LMF1: variants seen among roughly 807,000 people sequenced by gnomAD.
LMF1 encodes the protein transmembrane protein 112.
A neutral mutation model predicts 60.6 loss-of-function variants in LMF1; 68 were observed. The observed-to-expected ratio is 1.12, with a 90% CI of 0.92 to 1.37. The LOEUF is 1.37. Ranked by LOEUF, LMF1 falls within the 40% of genes most tolerant of loss-of-function variation. LMF1 has a pLI of 0.00. For synonymous variants in LMF1, 418 were observed against 324.7 expected, an observed-to-expected ratio of 1.29 and a Z score of -3.09; for missense variants, 948 against 767.2, an observed-to-expected ratio of 1.24 and a Z score of -2.78.
intron 2 of LMF1, among the ~76,000 whole-genome samples, chr16:947,173 G>C (rs562117797): frequency 6.6e-6 from 1 of 152,254 alleles, no homozygotes; most frequent in African/African-American, 2.4e-5. Flanking sequence ...GCCTGGCCTT[G>C]TGTGGCAACT....
intron 3 of LMF1, among the ~76,000 whole-genome samples, chr16:924,628 G>C (rs976850620): frequency 2.0e-5 from 3 of 152,096 alleles, no homozygotes; most frequent in African/African-American, 7.2e-5. Context: ...TCAGATGACA[G>C]GGTAGGGCAG....
intron 4 of LMF1, among the ~76,000 whole-genome samples, chr16:904,381 G>T (rs2070914355): frequency 1.3e-5 from 1 of 79,090 alleles, no homozygotes; most frequent in African/African-American, 6.3e-5. Flanking sequence ...TGCTGCGTGG[G>T]GTGACCTCTG....
At chr16:953,954 CCCCAA>C (rs2072581261) in intron 2 of LMF1, among the ~76,000 whole-genome samples, 1 of 81,270 alleles carries the variant, frequency 1.2e-5, no homozygotes, top group African/African-American at 4.2e-5. Flanking sequence ...CAGACACCCA[CCCCAA>C]ACCAGCCTCC....
At chr16:942,149 CT>C (rs1385635895) in intron 2 of LMF1, among the ~76,000 whole-genome samples, 10 of 152,134 alleles carry the variant, frequency 6.6e-5, no homozygotes, top group African/African-American at 2.4e-4. Context: ...CTTTATTTTG[CT>C]TTTGTTTTTG....
At chr16:966,234 G>A (rs1471602897) in intron 1 of LMF1, among the ~76,000 whole-genome samples, 1 of 152,166 alleles carries the variant, frequency 6.6e-6, no homozygotes, top group African/African-American at 2.4e-5. Context: ...CTCGTCCACT[G>A]GGGCCCCAGC....
At chr16:958,005 G>A (rs907295822) in intron 1 of LMF1, among the ~76,000 whole-genome samples, 1 of 152,140 alleles carries the variant, frequency 6.6e-6, no homozygotes, top group Non-Finnish European at 1.5e-5. Context: ...ACAAAGAAGA[G>A]TCTCTGTAAC....
At chr16:913,992 G>A (rs2071197198) in intron 3 of LMF1, among the ~76,000 whole-genome samples, 1 of 152,226 alleles carries the variant, frequency 6.6e-6, no homozygotes, top group Non-Finnish European at 1.5e-5. Context: ...AATGCCACAT[G>A]GCGCCTCTTG....
intron 3 of LMF1, among the ~76,000 whole-genome samples, chr16:930,479 T>C (rs968803337): frequency 1.3e-5 from 2 of 152,174 alleles, no homozygotes. Flanking sequence ...GAGGATCGCC[T>C]GAGCCCGGGA....
At chr16:876,929 C>T (rs967523304) in intron 6 of LMF1, among the ~76,000 whole-genome samples, 3 of 152,162 alleles carry the variant, frequency 2.0e-5, no homozygotes, top group Non-Finnish European at 2.9e-5. Flanking sequence ...TGTGGAAATA[C>T]GTCCAAATAT....
At chr16:871,996 C>G (rs1387055764) in intron 6 of LMF1, 3 of 152,242 alleles carry the variant, frequency 2.0e-5, no homozygotes, top group African/African-American at 7.2e-5. Context: ...GCAGGAGGGA[C>G]TCAGAGGGAC....
intron 3 of LMF1, chr16:933,871 G>C: frequency 2.1e-6 from 2 of 974,980 alleles, no homozygotes; most frequent in South Asian, 3.3e-5. Flanking sequence ...GCCCACCAGC[G>C]TGAGTGCCGT....
intron 4 of LMF1, among the ~76,000 whole-genome samples, chr16:909,008 C>G (rs1025722538): frequency 6.6e-6 from 1 of 152,142 alleles, no homozygotes; most frequent in African/African-American, 2.4e-5. Context: ...TGTTGAGGTC[C>G]CTCTCTGTGG....
chr16:965,528 C>A (rs538488100), intron 1 of LMF1, among the ~76,000 whole-genome samples: 171 of 152,266 alleles, frequency 1.1e-3, no homozygotes, highest in African/African-American at 4.0e-3. Flanking sequence ...TTAGAAGCTT[C>A]CAGGGAGAAG....
chr16:899,902 C>G (rs557253632), intron 4 of LMF1: 2 of 152,228 alleles, frequency 1.3e-5, no homozygotes, highest in Non-Finnish European at 2.9e-5. Context: ...ACGCCCTGGA[C>G]GCCGGATGTG....
intron 2 of LMF1, among the ~76,000 whole-genome samples, chr16:941,318 A>T (rs1477201273): frequency 6.6e-6 from 1 of 152,066 alleles, no homozygotes; most frequent in African/African-American, 2.4e-5. Flanking sequence ...TCCTGGGTTC[A>T]AGTGACTCTC....
chr16:875,512 T>G (rs991241348), intron 6 of LMF1, among the ~76,000 whole-genome samples: 4 of 152,120 alleles, frequency 2.6e-5, no homozygotes, highest in Non-Finnish European at 5.9e-5. Context: ...TTTACTTAAG[T>G]AACTCAGCAC....
chr16:859,185 C>G (rs1172233440), intron 10 of LMF1, among the ~76,000 whole-genome samples: 17 of 117,024 alleles, frequency 1.5e-4, no homozygotes, highest in African/African-American at 7.0e-4. Context: ...TGAGTGGTGT[C>G]TCGGGACGGG....
intron 6 of LMF1, among the ~76,000 whole-genome samples, chr16:876,883 A>C (rs1329815129): frequency 6.6e-6 from 1 of 152,220 alleles, no homozygotes; most frequent in Non-Finnish European, 1.5e-5. Flanking sequence ...AAAACGAGAG[A>C]GAAAGATACA....
chr16:874,151 C>T lies in LMF1; in HGVS notation c.898-2810G>A, dbSNP rs962021891. On this transcript the variant is annotated intron_variant, in intron 6 of 10. Transcript: ENST00000262301. The surrounding 1 kb of genome is among the most constrained non-coding windows in gnomAD (Gnocchi z 4.1). Reference sequence around the variant, plus strand: ...TGAACGTGCTGGAGGCCCCCGAGTTCACTTCAAAAGCATGAACTTACTTTG... The same window carrying T: ...TGAACGTGCTGGAGGCCCCCGAGTTTACTTCAAAAGCATGAACTTACTTTG... Among the ~76,000 whole-genome samples the T allele has an allele frequency of 6.6e-6, 1 of 152,216 alleles. No individual in the cohort carries two copies. Among genetic ancestry groups the T allele is most frequent in the Non-Finnish European group, 1.5e-5 (1 of 68,032 alleles).
Sources: gnomAD v4.1 joint callset for allele counts (sites outside exome capture counted in the v4.1 genomes callset) on GRCh38, gnomAD v4.1.1 for gene constraint, Gnocchi (gnomAD v3.1) non-coding constraint, MANE v1.5 for transcripts, NCBI Gene and HGNC (gene_info 2026-07-23, HGNC 2026-07-21) for gene names.